DNAH8: variants seen among roughly 807,000 people sequenced by gnomAD.
The protein encoded by DNAH8 is dynein axonemal heavy chain 8.
DNAH8 carries 382 observed loss-of-function variants against 562.1 expected under a neutral mutation model. The observed-to-expected ratio is 0.68, with a 90% CI of 0.63 to 0.74. The LOEUF (loss-of-function observed/expected upper bound fraction) is 0.74, where lower values mean the gene tolerates loss of function less well. Ranked by LOEUF, DNAH8 falls within the 30% of genes least tolerant of loss-of-function variation. The pLI, the probability that DNAH8 is intolerant of heterozygous loss-of-function variation, is 0.00. For missense variants in DNAH8, 5,203 were observed against 5,620.4 expected (o/e 0.93, Z 2.37); for synonymous variants, 1,881 against 1,919.4 (o/e 0.98, Z 0.52).
intron 3 of DNAH8, among the ~76,000 whole-genome samples, chr6:38,726,640 A>G (rs1763242356): frequency 6.6e-6 from 1 of 152,138 alleles, no homozygotes; most frequent in African/African-American, 2.4e-5. Context: ...GCCATGGTGG[A>G]GGGAAAATCG....
Position 38,837,940 on chromosome 6 carries a change from A to G in DNAH8, c.4366-2A>G. 1 of 1,604,248 alleles carries G rather than the reference A, an allele frequency of 6.2e-7. No homozygotes were observed. The highest frequency in any genetic ancestry group is 8.5e-7 in the Non-Finnish European group (1 of 1,173,226). On this transcript the variant is annotated splice_acceptor_variant, in intron 32 of 92. Transcript: ENST00000327475. LOFTEE classifies it high-confidence loss of function. ...AGTACAATTTAAAAACCTTTGTTAC[A>G]GGCCAGTTTCGATGATCTGTGGAGG... is the stretch of plus-strand genomic sequence containing the variant.
intron 13 of DNAH8, among the ~76,000 whole-genome samples, chr6:38,776,963 C>T (rs932957790): frequency 2.8e-4 from 43 of 152,136 alleles, no homozygotes; most frequent in African/African-American, 9.9e-4. Context: ...AGTCTGATAT[C>T]CTTGCCATGA....
intron 7 of DNAH8, among the ~76,000 whole-genome samples, chr6:38,740,520 G>A (rs1582874316): frequency 6.6e-6 from 1 of 152,298 alleles, no homozygotes; most frequent in Non-Finnish European, 1.5e-5. Context: ...AGCTTGTAAA[G>A]AAGTGATACT....
At position 38,803,237 on chromosome 6, in the gene DNAH8, C is replaced by T. The variant is rs148508759; in HGVS notation, c.2960C>T (p.Ala987Val). 6.2e-7 allele frequency: 1 copy of T among 1,609,056 alleles called. No individual in the cohort carries two copies. Among genetic ancestry groups the T allele is most frequent in the Non-Finnish European group, 8.5e-7 (1 of 1,176,688 alleles). ...LNHKSKHVEE[A>V]VRELISIFEQ... Reference sequence around the variant, plus strand: ...CACAAAAGTAAGCATGTGGAAGAAGCTGTCAGAGAACTTATATCAATATTT... The same window carrying T: ...CACAAAAGTAAGCATGTGGAAGAAGTTGTCAGAGAACTTATATCAATATTT... The change falls in exon 22 of 93, where the codon GCT (alanine) becomes GTT (valine). Residue 987 changes from alanine (A) to valine (V), a missense_variant. Ala to Val is a moderately conservative substitution (Grantham distance 64). Coordinates refer to ENST00000327475, the MANE Select transcript of DNAH8 (RefSeq NM_001206927.2).
In DNAH8 at chr6:38,883,372, G is replaced by A; in HGVS notation, c.8052G>A (p.Lys2684=). The change falls in exon 55 of 93, where the codon AAG becomes AAA. Residue 2684 remains lysine (K), a synonymous_variant. Transcript: ENST00000327475. ...EQGTAKTVMV[K]AYLKKYDPEV... The stretch of plus-strand genomic sequence containing the variant: ...GAACTGCAAAAACTGTCATGGTTAA[G>A]GCCTATTTGAAAAAATATGATCCTG... 6.2e-7 allele frequency: 1 copy of A among 1,613,180 alleles called. No individual in the cohort carries two copies. Among genetic ancestry groups the A allele is most frequent in the South Asian group, 1.1e-5 (1 of 90,922 alleles).
intron 44 of DNAH8, among the ~76,000 whole-genome samples, chr6:38,862,749 A>G (rs1776732860): frequency 6.6e-6 from 1 of 152,198 alleles, no homozygotes. Flanking sequence ...TCAAAATAGC[A>G]AACAGGGGAC....
intron 64 of DNAH8, among the ~76,000 whole-genome samples, chr6:38,908,826 T>G (rs996988167): frequency 6.6e-6 from 1 of 152,202 alleles, no homozygotes; most frequent in Admixed American, 6.5e-5. Flanking sequence ...GTGCTGGGAT[T>G]ACAGGCATGA....
At chr6:38,720,862 A>G (rs558875914) in intron 1 of DNAH8, among the ~76,000 whole-genome samples, 14 of 152,262 alleles carry the variant, frequency 9.2e-5, no homozygotes, top group African/African-American at 3.4e-4. Flanking sequence ...AAAAATTCAG[A>G]AATTTATCAG....
Position 38,918,149 on chromosome 6 carries a change from T to A in DNAH8, c.10524+9T>A. The A allele has an allele frequency of 1.3e-5, 20 of 1,575,484 alleles. No individual in the cohort carries two copies. Among genetic ancestry groups the A allele is most frequent in the Non-Finnish European group, 1.7e-5 (20 of 1,151,242 alleles). ...AAGTGTTGCCTCTGAAGGTAAAAGT[T>A]TCCTTCCTTCTCCCAGTAAATCAAT... On this transcript the variant is annotated intron_variant, in intron 70 of 92. Transcript: ENST00000327475.
intron 76 of DNAH8, chr6:38,932,956 C>T (rs992696003): frequency 2.0e-5 from 3 of 152,376 alleles, no homozygotes; most frequent in Non-Finnish European, 4.4e-5. Flanking sequence ...ACAGTCTCAG[C>T]TTTGACTCTC....
chr6:38,801,976 C>T (rs1770817010), intron 21 of DNAH8, among the ~76,000 whole-genome samples: 1 of 151,718 alleles, frequency 6.6e-6, no homozygotes, highest in Non-Finnish European at 1.5e-5. Context: ...CAGGGTCTTG[C>T]TCTGTTGCCC....
intron 32 of DNAH8, among the ~76,000 whole-genome samples, chr6:38,835,335 G>A (rs1158597873): frequency 4.6e-5 from 6 of 129,512 alleles, no homozygotes; most frequent in African/African-American, 1.5e-4. Context: ...AAAAAAAAAA[G>A]ATCAGATGCC....
In DNAH8 at chr6:38,873,392, G is replaced by A. The variant is rs765209867; in HGVS notation, c.7620+16G>A. 2.6e-6 allele frequency: 4 copies of A among 1,565,826 alleles called. No individual in the cohort carries two copies. Among genetic ancestry groups the A allele is most frequent in the Admixed American group, 4.1e-5 (2 of 48,854 alleles). On this transcript the variant is annotated intron_variant, in intron 52 of 92. Transcript: ENST00000327475. ...TATTGTGCAAGTAAGATTTTTTTTTGTACATTTACTACTTCGATTTTGATT... is the reference window on the plus strand; with the variant it reads ...TATTGTGCAAGTAAGATTTTTTTTTATACATTTACTACTTCGATTTTGATT...
rs1782770153 is a variant in DNAH8, at chr6:38,934,196, T to TA, written c.11458-1395dup. The stretch of plus-strand genomic sequence containing the variant: ...GGTGAAACCCCGTCTCTACTAAAAA[T>TA]ACAAAAATTAGCCAGGCGTGGTGGT... On this transcript the variant is annotated intron_variant, in intron 76 of 92. Coordinates refer to ENST00000327475, the MANE Select transcript of DNAH8 (RefSeq NM_001206927.2). Among the ~76,000 whole-genome samples the TA allele has an allele frequency of 1.3e-5, 2 of 151,606 alleles. 1 individual carries two copies. Among genetic ancestry groups the TA allele is most frequent in the South Asian group, 4.2e-4 (2 of 4,786 alleles).
chr6:38,805,631 G>A lies in DNAH8; in HGVS notation c.3150+35G>A, dbSNP rs757241604. 3.3e-6 allele frequency: 4 copies of A among 1,228,108 alleles called. No individual in the cohort carries two copies. In the African/African-American group the frequency reaches 5.9e-5, roughly 18 times the overall value. 76.1% of individuals were successfully genotyped at this position (1,228,108 alleles called of 1,614,324 possible). ...GTGGAACAACTTCATGCAATTCACA[G>A]AATTATGGTTTATAGGATTATAGAT... On this transcript the variant is annotated intron_variant, in intron 23 of 92. Transcript: ENST00000327475.
chr6:38,797,552 C>T lies in DNAH8; in HGVS notation c.2902-5627C>T, dbSNP rs553008816. ...GAAACTAAAAGGAATTTTAATTGCCCGTTTGTTTGTGACCAGCAGACCTTA... is the reference window on the plus strand; with the variant it reads ...GAAACTAAAAGGAATTTTAATTGCCTGTTTGTTTGTGACCAGCAGACCTTA... On this transcript the variant is annotated intron_variant, in intron 21 of 92. Coordinates refer to ENST00000327475, the MANE Select transcript of DNAH8 (RefSeq NM_001206927.2). 6.4e-4 allele frequency among the ~76,000 whole-genome samples: 97 copies of T among 152,164 alleles called. 1 individual carries two copies. Among genetic ancestry groups the T allele is most frequent in the Admixed American group, 4.9e-3 (75 of 15,278 alleles).
chr6:38,804,485 G>A (rs902008793), intron 22 of DNAH8, among the ~76,000 whole-genome samples: 3 of 152,096 alleles, frequency 2.0e-5, no homozygotes, highest in African/African-American at 4.8e-5. Flanking sequence ...TGTTTACTAC[G>A]CACCTGCTCT....
intron 89 of DNAH8, among the ~76,000 whole-genome samples, chr6:39,010,427 A>C (rs1332017): frequency 0.097 from 14,811 of 152,168 alleles, 844 homozygotes; most frequent in Admixed American, 0.18. Flanking sequence ...AGCAAGTCTT[A>C]AATTTTATTA....
Position 39,008,828 on chromosome 6 carries a change from C to G in DNAH8, c.13229C>G (p.Thr4410Ser), listed in dbSNP as rs1765982417. The change falls in exon 89 of 93, where the codon ACT (threonine) becomes AGT (serine). Residue 4410 changes from threonine (T) to serine (S), a missense_variant. Around this residue, in one of 6 missense-constraint regions of DNAH8, gnomAD observed 1,399 missense variants for 1,518.4 expected, o/e 0.92. Transcript: ENST00000327475. ...CTTTTTACTAGGTATCAGAGTAACA[C>G]TGCTTCTGCTGTTCTTGAAACAATT... ...PNADITYQSN[T>S]ASAVLETITN... The G allele has an allele frequency of 1.2e-6, 2 of 1,605,538 alleles. No homozygotes were observed. The highest frequency in any genetic ancestry group is 1.7e-6 in the Non-Finnish European group (2 of 1,172,904).
Sources: allele counts gnomAD v4.1 joint callset (sites outside exome capture counted in the v4.1 genomes callset), GRCh38; gene constraint gnomAD v4.1.1; regional missense constraint gnomAD v4.1.1; transcripts MANE v1.5; gene names NCBI Gene and HGNC (gene_info 2026-07-23, HGNC 2026-07-21).